Variants in PPP1R9A observed in about 807,000 individuals in gnomAD.
The protein encoded by PPP1R9A is neurabin-1.
In PPP1R9A, 59 loss-of-function variants were observed where a neutral mutation model predicts 141.9. That is an observed-to-expected ratio of 0.42 (90% CI 0.34 to 0.52). PPP1R9A has a LOEUF of 0.52. PPP1R9A is among the 20% of genes least tolerant of loss of function. PPP1R9A has a pLI of 0.10. For missense variants in PPP1R9A, 1,444 were observed against 1,611.9 expected, an observed-to-expected ratio of 0.90 and a Z score of 1.78; for synonymous variants, 500 against 569.7, an observed-to-expected ratio of 0.88 and a Z score of 1.74.
intron 14 of PPP1R9A, among the ~76,000 whole-genome samples, chr7:95,270,814 A>G (rs1259844452): frequency 6.6e-6 from 1 of 152,184 alleles, no homozygotes; most frequent in Non-Finnish European, 1.5e-5. Context: ...GACCCAGAAG[A>G]TGTGTTCAAA....
chr7:95,182,518 A>G (rs917366181), intron 5 of PPP1R9A, among the ~76,000 whole-genome samples: 8 of 152,156 alleles, frequency 5.3e-5, no homozygotes, highest in African/African-American at 1.9e-4. Flanking sequence ...TACTTTATTT[A>G]TATCATTTCA....
intron 2 of PPP1R9A, among the ~76,000 whole-genome samples, chr7:94,954,669 A>C (rs1032763856): frequency 1.7e-4 from 25 of 150,786 alleles, no homozygotes; most frequent in African/African-American, 5.3e-4. Context: ...TATTTTTAGC[A>C]TTTTAATGTA....
intron 4 of PPP1R9A, chr7:95,155,003 T>A (rs1312361890): frequency 2.6e-5 from 4 of 152,062 alleles, no homozygotes; most frequent in Non-Finnish European, 1.5e-5. Flanking sequence ...CAATTATTAA[T>A]GCATGCATGG....
At chr7:95,090,966 ACC>A in intron 2 of PPP1R9A, among the ~76,000 whole-genome samples, 1 of 152,118 alleles carries the variant, frequency 6.6e-6, no homozygotes, top group African/African-American at 2.4e-5. Context: ...TCACTGAATA[ACC>A]TTATAGAGCA....
intron 8 of PPP1R9A, among the ~76,000 whole-genome samples, chr7:95,245,741 A>G (rs561328392): frequency 3.3e-5 from 5 of 152,308 alleles, no homozygotes; most frequent in Non-Finnish European, 5.9e-5. Flanking sequence ...TGCTAAAGGC[A>G]GGTAAGTAAG....
At chr7:95,011,269 T>G (rs1458583342) in intron 2 of PPP1R9A, among the ~76,000 whole-genome samples, 1 of 152,192 alleles carries the variant, frequency 6.6e-6, no homozygotes, top group Non-Finnish European at 1.5e-5. Flanking sequence ...TTTTAGATTA[T>G]CTTACAGTAA....
At chr7:95,202,413 T>C (rs1277953722) in intron 6 of PPP1R9A, among the ~76,000 whole-genome samples, 1 of 152,074 alleles carries the variant, frequency 6.6e-6, no homozygotes, top group Non-Finnish European at 1.5e-5. Flanking sequence ...GAGGATCCTA[T>C]TTAAGAAGAG....
At chr7:95,164,666 G>C (rs991399039) in intron 5 of PPP1R9A, among the ~76,000 whole-genome samples, 2 of 140,398 alleles carry the variant, frequency 1.4e-5, no homozygotes, top group African/African-American at 5.3e-5. Context: ...ATCTCCATCT[G>C]TTTGAATTTT....
At chr7:95,025,643 C>T (rs533510165) in intron 2 of PPP1R9A, among the ~76,000 whole-genome samples, 1 of 152,102 alleles carries the variant, frequency 6.6e-6, no homozygotes, top group Non-Finnish European at 1.5e-5. Context: ...GGCAAGTTCT[C>T]CTGGATAAAA....
At chr7:95,068,185 T>G (rs1258950929) in intron 2 of PPP1R9A, among the ~76,000 whole-genome samples, 1 of 152,078 alleles carries the variant, frequency 6.6e-6, no homozygotes, top group Non-Finnish European at 1.5e-5. Context: ...AGAAGTGACA[T>G]TCGGCCAGGC....
chr7:94,928,028 T>C (rs2150792772), intron 2 of PPP1R9A, among the ~76,000 whole-genome samples: 1 of 152,272 alleles, frequency 6.6e-6, no homozygotes, highest in African/African-American at 2.4e-5. Flanking sequence ...TCAACTTTGA[T>C]ATAGCAGCTT....
At chr7:94,938,370 A>G (rs182235026) in intron 2 of PPP1R9A, among the ~76,000 whole-genome samples, 2 of 152,278 alleles carry the variant, frequency 1.3e-5, no homozygotes, top group Admixed American at 6.5e-5. Context: ...GTAGAAGGTC[A>G]TAACTGATAA....
intron 2 of PPP1R9A, among the ~76,000 whole-genome samples, chr7:95,031,716 A>T (rs1484970022): frequency 6.6e-6 from 1 of 151,844 alleles, no homozygotes; most frequent in Non-Finnish European, 1.5e-5. Flanking sequence ...AGATTGCATC[A>T]CTGCACTGCA....
intron 2 of PPP1R9A, among the ~76,000 whole-genome samples, chr7:95,067,886 T>C (rs958942347): frequency 2.0e-5 from 3 of 152,122 alleles, no homozygotes; most frequent in African/African-American, 7.2e-5. Context: ...CAAATTTCTA[T>C]CTAGGCCTCA....
intron 2 of PPP1R9A, among the ~76,000 whole-genome samples, chr7:94,988,636 G>A (rs1172057393): frequency 6.6e-6 from 1 of 151,818 alleles, no homozygotes. Context: ...TGAAAACAGT[G>A]GAAAAGTGAA....
chr7:94,938,653 T>A (rs10246268), intron 2 of PPP1R9A, among the ~76,000 whole-genome samples: 50,305 of 152,074 alleles, frequency 0.33, 9,321 homozygotes, highest in South Asian at 0.48. Flanking sequence ...ATTATGCTGT[T>A]GAAAAGATCA....
chr7:95,190,009 A>T (rs1835264694), intron 5 of PPP1R9A, among the ~76,000 whole-genome samples: 1 of 151,972 alleles, frequency 6.6e-6, no homozygotes, highest in Non-Finnish European at 1.5e-5. Context: ...TATCTACTTG[A>T]GTAGTTTAGT....
At chr7:95,026,070 A>G (rs1023530923) in intron 2 of PPP1R9A, among the ~76,000 whole-genome samples, 1 of 152,020 alleles carries the variant, frequency 6.6e-6, no homozygotes, top group Non-Finnish European at 1.5e-5. Context: ...TCTGAAGCCT[A>G]TTTCTGTCAG....
At position 95,269,498 on chromosome 7, in the gene PPP1R9A, C is replaced by G. The variant is rs1422776949; in HGVS notation, c.3115C>G (p.Arg1039Gly). The G allele has an allele frequency of 1.3e-6, 2 of 1,566,484 alleles. No individual in the cohort carries two copies. The highest frequency in any genetic ancestry group is 1.7e-6 in the Non-Finnish European group (2 of 1,152,564). ...CCAAACCACCAACAAGAAAATATTA[C>G]GAGAAAAAGGTATTGTTAATTTCTT... ...HHQTTNKKIL[R>G]EKDDAKDPKS... The change falls in exon 14 of 20, where the codon CGA (arginine) becomes GGA (glycine). Residue 1039 changes from arginine to glycine, a missense_variant. Coordinates refer to ENST00000433360, the MANE Select transcript of PPP1R9A (RefSeq NM_001166160.2).
Sources: gnomAD v4.1 joint callset for allele counts (sites outside exome capture counted in the v4.1 genomes callset) on GRCh38, gnomAD v4.1.1 for gene constraint, MANE v1.5 for transcripts, NCBI Gene and HGNC (gene_info 2026-07-23, HGNC 2026-07-21) for gene names.